SLC43A2: variants seen among roughly 807,000 people sequenced by gnomAD.
The protein encoded by SLC43A2 is solute carrier family 43 member 2.
SLC43A2 carries 38 observed loss-of-function variants against 63.2 expected under a neutral mutation model. That is an observed-to-expected ratio of 0.60 (90% CI 0.46 to 0.79). The LOEUF (loss-of-function observed/expected upper bound fraction) is 0.79, where lower values mean the gene tolerates loss of function less well. SLC43A2 is among the 30% of genes least tolerant of loss of function. SLC43A2 has a pLI of 0.00. For missense variants in SLC43A2, 644 were observed against 756.2 expected, an observed-to-expected ratio of 0.85 and a Z score of 1.74; for synonymous variants, 322 against 331.0, an observed-to-expected ratio of 0.97 and a Z score of 0.30.
At position 1,570,409 on chromosome 17, in the gene SLC43A2, T is replaced by G. The variant is rs571998743; in HGVS notation, c.*5195A>C. 6.6e-6 allele frequency: 1 copy of G among 152,296 alleles called. No homozygotes were observed. The allele number at this position is 152,296 out of a possible 1,614,324, so 9.4% of individuals were successfully genotyped here. A position where few individuals can be genotyped will look rare whatever the true frequency, so the allele number is the denominator to read the frequency against. On this transcript the variant is annotated 3_prime_UTR_variant, in exon 14 of 14. Coordinates refer to ENST00000301335, the MANE Select transcript of SLC43A2 (RefSeq NM_152346.3). ...TGCTGAAAGTGGCTCTCCTGTTGTA[T>G]GGGCTTGGGTGTGGTGTGGTGGCCC...
At chr17:1,620,547 G>A (rs939008096) in intron 2 of SLC43A2, among the ~76,000 whole-genome samples, 10 of 152,082 alleles carry the variant, frequency 6.6e-5, no homozygotes, top group African/African-American at 2.2e-4. Flanking sequence ...CAGCCTTCTC[G>A]TCTTAAACAA....
rs756759716 is a variant in SLC43A2 at position 1,576,702 on chromosome 17, G to A, written c.1443C>T (p.Phe481=). ...LYAAVYPSTQ[F]GSLTGLQSLI... Reference sequence around the variant, plus strand: ...GAGACTGCAGTCCCGTGAGGCTGCCGAACTGGGTGGAGGGGTACCTGCAGG... The same window carrying A: ...GAGACTGCAGTCCCGTGAGGCTGCCAAACTGGGTGGAGGGGTACCTGCAGG... The change falls in exon 13 of 14, where the codon TTC becomes TTT. Residue 481 remains phenylalanine, a synonymous_variant. Coordinates refer to ENST00000301335, the MANE Select transcript of SLC43A2 (RefSeq NM_152346.3). The A allele has an allele frequency of 2.5e-6, 4 of 1,610,200 alleles. No homozygotes were observed. The highest frequency in any genetic ancestry group is 1.3e-5 in the African/African-American group (1 of 75,010).
intron 5 of SLC43A2, among the ~76,000 whole-genome samples, chr17:1,600,153 T>TATATATATATATATA (rs1491178977): frequency 3.7e-4 from 14 of 38,238 alleles, no homozygotes; most frequent in African/African-American, 1.1e-3. Flanking sequence ...TATATATATA[T>TATATATATATATATA]TTTTTTTTTT....
In SLC43A2 at chr17:1,591,734, A is replaced by AGGGGGGGGGGGGGGG. The variant is rs780559673; in HGVS notation, c.595-36_595-35insCCCCCCCCCCCCCCC. 150 of 295,330 alleles carry AGGGGGGGGGGGGGGG rather than the reference A, an allele frequency of 5.1e-4. 10 individuals carry two copies. Among genetic ancestry groups the AGGGGGGGGGGGGGGG allele is most frequent in the African/African-American group, 9.0e-4 (27 of 30,066 alleles). The allele number at this position is 295,330 out of a possible 1,614,324, so 18.3% of individuals were successfully genotyped here. A position where few individuals can be genotyped will look rare whatever the true frequency, so the allele number is the denominator to read the frequency against. ...ACCGCGGGGACGGGGTGGGGGGGGGAGGGGGCAGAGTTAGCCCGGGGAGGC... is the reference window on the plus strand; with the variant it reads ...ACCGCGGGGACGGGGTGGGGGGGGGAGGGGGGGGGGGGGGGGGGGGCAGAGTTAGCCCGGGGAGGC... On this transcript the variant is annotated intron_variant, in intron 6 of 13. Transcript: ENST00000301335.
intron 5 of SLC43A2, chr17:1,604,651 G>A (rs1047305024): frequency 5.0e-6 from 7 of 1,392,676 alleles, no homozygotes; most frequent in Admixed American, 2.0e-5. Context: ...TGAGACTACA[G>A]GGGGATACCA....
At chr17:1,594,776 G>T (rs900207309) in intron 5 of SLC43A2, among the ~76,000 whole-genome samples, 51 of 151,696 alleles carry the variant, frequency 3.4e-4, no homozygotes, top group Non-Finnish European at 6.3e-4. Flanking sequence ...TTTCAGTAGA[G>T]ACGGGGTTTC....
chr17:1,621,374 C>G (rs542047478), intron 2 of SLC43A2, among the ~76,000 whole-genome samples: 8 of 152,208 alleles, frequency 5.3e-5, no homozygotes, highest in African/African-American at 1.7e-4. Flanking sequence ...TCCGAGCCCC[C>G]CCTCCAGGGT....
In SLC43A2 at chr17:1,606,025, G is replaced by T. The variant is rs76997747; in HGVS notation, c.501+7170C>A. Among the ~76,000 whole-genome samples the T allele has an allele frequency of 6.6e-6, 1 of 152,186 alleles. No individual in the cohort carries two copies. Among genetic ancestry groups the T allele is most frequent in the Non-Finnish European group, 1.5e-5 (1 of 68,038 alleles). The stretch of plus-strand genomic sequence containing the variant: ...CAAATTCTCCCCAAACCAATGGCAA[G>T]TAGCTGACTGCCTGAGCTTCCCCAA... On this transcript the variant is annotated intron_variant, in intron 5 of 13. Coordinates refer to ENST00000301335, the MANE Select transcript of SLC43A2 (RefSeq NM_152346.3). The surrounding 1 kb of genome is among the most constrained non-coding windows in gnomAD (Gnocchi z 4.7).
intron 1 of SLC43A2, 144 bp from the exon 2 acceptor site, chr17:1,628,064 C>T: frequency 1.2e-6 from 1 of 815,004 alleles, no homozygotes; most frequent in Non-Finnish European, 1.6e-6. Context: ...GGAAGCGAAC[C>T]CCAGCCCTGC....
rs546467041 is a variant in SLC43A2 at position 1,600,135 on chromosome 17, A to AAT, written c.502-6858_502-6857dup. On this transcript the variant is annotated intron_variant, in intron 5 of 13. Coordinates refer to ENST00000301335, the MANE Select transcript of SLC43A2 (RefSeq NM_152346.3). Reference sequence around the variant, plus strand: ...TTTACAGTAAGCTATATATTAATTGAATATATATATATATATATTTTTTTT... The same window carrying AAT: ...TTTACAGTAAGCTATATATTAATTGAATATATATATATATATATATTTTTTTT... Among the ~76,000 whole-genome samples, 133 of 47,922 alleles carry AAT rather than the reference A, an allele frequency of 2.8e-3. 3 individuals are homozygous for AAT. The highest frequency in any genetic ancestry group is 5.2e-3 in the African/African-American group (58 of 11,074). The allele number at this position is 47,922 out of a possible 152,430, so 31.4% of individuals were successfully genotyped here. A position where few individuals can be genotyped will look rare whatever the true frequency, so the allele number is the denominator to read the frequency against.
At chr17:1,616,233 G>A in intron 3 of SLC43A2, 1 of 312,484 alleles carries the variant, frequency 3.2e-6, no homozygotes, top group Non-Finnish European at 5.9e-6. Context: ...AAGGTTTGAG[G>A]GAAGCATGTC....
rs1052855929 is a variant in SLC43A2, at chr17:1,583,100, C to T, written c.1350+104G>A. ...TCTCAAAAAAATAAAGAAAGTCATCCGCTTTGTTGATGGCTTCCATGAAAC... is the reference window on the plus strand; with the variant it reads ...TCTCAAAAAAATAAAGAAAGTCATCTGCTTTGTTGATGGCTTCCATGAAAC... On this transcript the variant is annotated intron_variant, in intron 11 of 13. Transcript: ENST00000301335. The surrounding 1 kb of genome is among the most constrained non-coding windows in gnomAD (Gnocchi z 5.5). 1.4e-5 allele frequency: 18 copies of T among 1,278,690 alleles called. No homozygotes were observed. Among genetic ancestry groups the T allele is most frequent in the Admixed American group, 4.0e-5 (2 of 49,630 alleles). 79.2% of individuals were successfully genotyped at this position (1,278,690 alleles called of 1,614,324 possible).
chr17:1,570,680 G>A lies in SLC43A2; in HGVS notation c.*4924C>T, dbSNP rs2075834945. 6.6e-6 allele frequency: 1 copy of A among 150,708 alleles called. No homozygotes were observed. The highest frequency in any genetic ancestry group is 2.1e-4 in the South Asian group (1 of 4,720). 9.3% of individuals were successfully genotyped at this position (150,708 alleles called of 1,614,324 possible). On this transcript the variant is annotated 3_prime_UTR_variant, in exon 14 of 14. Transcript: ENST00000301335. ...TTTTTGTATTTTTAGTAGAGACGGG[G>A]TTTCACCGTTTTAGCCGGGATGGTC...
intron 2 of SLC43A2, among the ~76,000 whole-genome samples, chr17:1,621,649 C>T (rs1424234766): frequency 7.2e-5 from 11 of 152,334 alleles, no homozygotes. Context: ...GTGCCAGCTG[C>T]CATGCTCAAC....
chr17:1,614,946 C>T, intron 4 of SLC43A2, 33 bp downstream of exon 4: 1 of 1,611,746 alleles, frequency 6.2e-7, no homozygotes. Context: ...TCTCCCCGGT[C>T]CCTGACAGAA....
intron 9 of SLC43A2, among the ~76,000 whole-genome samples, chr17:1,587,276 CG>C (rs1808916000): frequency 6.6e-6 from 1 of 152,140 alleles, no homozygotes; most frequent in Admixed American, 6.6e-5. Context: ...TGGCGGGTAG[CG>C]TGATGGGGAA....
At chr17:1,594,894 T>C (rs1199279577) in intron 5 of SLC43A2, among the ~76,000 whole-genome samples, 3 of 152,040 alleles carry the variant, frequency 2.0e-5, no homozygotes, top group Non-Finnish European at 4.4e-5. Flanking sequence ...AACCTTTTTT[T>C]CTTGTTTTAA....
intron 13 of SLC43A2, 31 bp from the exon 14 acceptor site, chr17:1,575,796 G>GGCGTGGTGGT (rs2075917829): frequency 6.3e-7 from 1 of 1,582,882 alleles, no homozygotes; most frequent in African/African-American, 1.3e-5. Flanking sequence ...CGCATCACAG[G>GGCGTGGTGGT]GCGTGGTGGT....
intron 11 of SLC43A2, among the ~76,000 whole-genome samples, chr17:1,580,630 C>T (rs533713958): frequency 1.8e-4 from 27 of 151,954 alleles, no homozygotes; most frequent in East Asian, 5.8e-4. Flanking sequence ...GGTGTGGTCT[C>T]GGCTCACTGC....
Sources: allele counts gnomAD v4.1 joint callset (sites outside exome capture counted in the v4.1 genomes callset), GRCh38; gene constraint gnomAD v4.1.1; non-coding constraint Gnocchi (gnomAD v3.1); transcripts MANE v1.5; gene names NCBI Gene and HGNC (gene_info 2026-07-23, HGNC 2026-07-21).